The following MAPK4 variants were observed in gnomAD, a reference collection of about 807,000 sequenced individuals.
The protein encoded by MAPK4 is Erk3-related.
Under a neutral mutation model 47.7 loss-of-function variants are expected in MAPK4, and 22 were observed. The observed-to-expected ratio is 0.46, with a 90% CI of 0.33 to 0.66. The LOEUF is 0.66. Among genes scored for constraint, MAPK4 ranks in the 30% least tolerant of loss-of-function variants. The pLI, the probability that MAPK4 is intolerant of heterozygous loss-of-function variation, is 0.02. For synonymous variants in MAPK4, 390 were observed against 365.7 expected (o/e 1.07, Z -0.76); for missense variants, 736 against 831.7 (o/e 0.88, Z 1.42).
chr18:50,628,070 G>C (rs1236147321), intron 1 of MAPK4, among the ~76,000 whole-genome samples: 4 of 152,194 alleles, frequency 2.6e-5, no homozygotes, highest in Non-Finnish European at 5.9e-5. Context: ...TCCGAGGTAG[G>C]GTTCCCGGGC....
At chr18:50,676,010 G>A (rs375203043) in intron 2 of MAPK4, among the ~76,000 whole-genome samples, 5 of 152,338 alleles carry the variant, frequency 3.3e-5, no homozygotes, top group Middle Eastern at 3.4e-3. Context: ...TACACATCAC[G>A]CTGTTCATGT....
intron 1 of MAPK4, among the ~76,000 whole-genome samples, chr18:50,649,811 A>G (rs1392274181): frequency 6.6e-6 from 1 of 152,208 alleles, no homozygotes; most frequent in African/African-American, 2.4e-5. Context: ...TTCCCAGCAC[A>G]TAAGGACCCC....
chr18:50,688,033 G>A (rs1490972803), intron 2 of MAPK4, among the ~76,000 whole-genome samples: 1 of 152,176 alleles, frequency 6.6e-6, no homozygotes, highest in Admixed American at 6.5e-5. Context: ...TCTGCTGAAA[G>A]GTGATCATGG....
At chr18:50,609,949 C>T (rs1415620312) in intron 1 of MAPK4, among the ~76,000 whole-genome samples, 1 of 152,218 alleles carries the variant, frequency 6.6e-6, no homozygotes, top group African/African-American at 2.4e-5. Flanking sequence ...ACTTTACCAA[C>T]ATCGCTCCAA....
chr18:50,729,154 G>A lies in MAPK4; in HGVS notation c.1068-4G>A, dbSNP rs907153207. The A allele has an allele frequency of 3.2e-6, 5 of 1,566,286 alleles. No homozygotes were observed. The highest frequency in any genetic ancestry group is 3.5e-6 in the Non-Finnish European group (4 of 1,148,180). ...CAATCACCGCTCTGTTTGTACCCTT[G>A]CAGGTACCCTGTGAGCCTGTCGTCG... On this transcript the variant is annotated splice_region_variant and splice_polypyrimidine_tract_variant and intron_variant, in intron 5 of 5. Transcript: ENST00000400384.
At chr18:50,669,683 G>A (rs1907810646) in intron 2 of MAPK4, 1 of 152,248 alleles carries the variant, frequency 6.6e-6, no homozygotes. Flanking sequence ...GGCACATATA[G>A]AGGCCCCATT....
At position 50,663,119 on chromosome 18, in the gene MAPK4, T is replaced by G. The variant is rs1907373024; in HGVS notation, c.-840T>G. On this transcript the variant is annotated 5_prime_UTR_variant, in exon 2 of 6. Coordinates refer to ENST00000400384, the MANE Select transcript of MAPK4 (RefSeq NM_002747.4). ...GAGACTTGGTCTGAAAGATGCCACA[T>G]TCCTGCAGCCTCTCTTGGTGCAGTG... 1 of 152,246 alleles carries G rather than the reference T, an allele frequency of 6.6e-6. No individual in the cohort carries two copies. The highest frequency in any genetic ancestry group is 2.4e-5 in the African/African-American group (1 of 41,458). The allele number at this position is 152,246 out of a possible 1,614,324, so 9.4% of individuals were successfully genotyped here.
chr18:50,568,330 G>A (rs929449415), intron 1 of MAPK4, among the ~76,000 whole-genome samples: 3 of 152,200 alleles, frequency 2.0e-5, no homozygotes, highest in Non-Finnish European at 4.4e-5. Flanking sequence ...AGTTCCTGAA[G>A]CAAGCTTAGA....
At chr18:50,647,979 A>G (rs185666647) in intron 1 of MAPK4, among the ~76,000 whole-genome samples, 1 of 152,106 alleles carries the variant, frequency 6.6e-6, no homozygotes, top group Non-Finnish European at 1.5e-5. Context: ...TTATTCATCA[A>G]CTTTTTATTG....
At chr18:50,723,390 G>T (rs1318575451) in intron 4 of MAPK4, among the ~76,000 whole-genome samples, 1 of 152,186 alleles carries the variant, frequency 6.6e-6, no homozygotes, top group African/African-American at 2.4e-5. Context: ...TGCAGGAGGG[G>T]CTTGGAAAGG....
At chr18:50,691,414 C>T (rs987028995) in intron 2 of MAPK4, among the ~76,000 whole-genome samples, 1 of 152,050 alleles carries the variant, frequency 6.6e-6, no homozygotes, top group African/African-American at 2.4e-5. Context: ...GAGGTGGGAA[C>T]AAGAGTCTGA....
At chr18:50,584,410 A>G (rs1392430289) in intron 1 of MAPK4, among the ~76,000 whole-genome samples, 1 of 152,086 alleles carries the variant, frequency 6.6e-6, no homozygotes, top group African/African-American at 2.4e-5. Context: ...CCTCTAGGGC[A>G]TGTCTCATGT....
intron 1 of MAPK4, among the ~76,000 whole-genome samples, chr18:50,643,748 CCCACCTG>C (rs2042962675): frequency 6.6e-6 from 1 of 152,170 alleles, no homozygotes; most frequent in Non-Finnish European, 1.5e-5. Context: ...TTTAGCCCCT[CCCACCTG>C]CCGGTCTTGC....
At chr18:50,656,958 C>T (rs1321788083) in intron 1 of MAPK4, among the ~76,000 whole-genome samples, 3 of 152,204 alleles carry the variant, frequency 2.0e-5, no homozygotes, top group African/African-American at 7.2e-5. Context: ...GCTTAACAGT[C>T]TCTCTTGGCA....
chr18:50,589,698 G>T (rs2042420218), intron 1 of MAPK4, among the ~76,000 whole-genome samples: 1 of 152,200 alleles, frequency 6.6e-6, no homozygotes, highest in African/African-American at 2.4e-5. Flanking sequence ...GGTCAAAGAG[G>T]CACTTCACCA....
intron 1 of MAPK4, among the ~76,000 whole-genome samples, chr18:50,603,658 A>G (rs1326539467): frequency 2.0e-5 from 3 of 151,946 alleles, no homozygotes. Flanking sequence ...TGTACAAACT[A>G]GTTTGTATAT....
chr18:50,710,470 G>A (rs550877076), intron 2 of MAPK4, among the ~76,000 whole-genome samples: 15 of 151,810 alleles, frequency 9.9e-5, no homozygotes, highest in Admixed American at 8.5e-4. Flanking sequence ...GCAACAGAGC[G>A]AGACCCTATC....
At chr18:50,726,969 C>A (rs2144491860) in intron 5 of MAPK4, among the ~76,000 whole-genome samples, 2 of 152,334 alleles carry the variant, frequency 1.3e-5, no homozygotes, top group East Asian at 3.9e-4. Flanking sequence ...CCTGATGGGC[C>A]TCTCTGCAAT....
At chr18:50,725,601 T>G (rs1911148536) in intron 4 of MAPK4, among the ~76,000 whole-genome samples, 1 of 152,170 alleles carries the variant, frequency 6.6e-6, no homozygotes, top group African/African-American at 2.4e-5. Flanking sequence ...GTGTGCCTTG[T>G]TCTGGTTCCC....
Sources: allele counts gnomAD v4.1 joint callset (sites outside exome capture counted in the v4.1 genomes callset), GRCh38; gene constraint gnomAD v4.1.1; transcripts MANE v1.5; gene names NCBI Gene and HGNC (gene_info 2026-07-23, HGNC 2026-07-21).